FAM228A: variants seen among roughly 807,000 people sequenced by gnomAD.
FAM228A encodes the protein protein FAM228A.
In FAM228A, 13 loss-of-function variants were observed where a neutral mutation model predicts 18.6. The ratio of observed to expected loss-of-function variants is 0.70; its 90% CI spans 0.45 to 1.11. The LOEUF (loss-of-function observed/expected upper bound fraction) is 1.11, where lower values mean the gene tolerates loss of function less well. Ranked by LOEUF, FAM228A falls within the 50% of genes least tolerant of loss-of-function variation. FAM228A has a pLI of 0.00. For synonymous variants in FAM228A, 77 were observed against 86.6 expected (o/e 0.89, Z 0.61); for missense variants, 240 against 242.2 (o/e 0.99, Z 0.06).
At chr2:24,189,392 G>C (rs1471434006) in intron 5 of FAM228A, among the ~76,000 whole-genome samples, 3 of 152,202 alleles carry the variant, frequency 2.0e-5, no homozygotes, top group Non-Finnish European at 2.9e-5. Flanking sequence ...TTAACTCCCT[G>C]ACCTGCCAGG....
At chr2:24,186,396 C>T (rs763154408) in intron 5 of FAM228A, among the ~76,000 whole-genome samples, 2 of 152,126 alleles carry the variant, frequency 1.3e-5, no homozygotes, top group Non-Finnish European at 2.9e-5. Context: ...CAGTTAAGAT[C>T]TCTGGCACAA....
At position 24,183,538 on chromosome 2, in the gene FAM228A, C is replaced by T; in HGVS notation, c.294C>T (p.Ala98=). The T allele has an allele frequency of 1.2e-6, 2 of 1,613,836 alleles. No homozygotes were observed. Among genetic ancestry groups the T allele is most frequent in the Non-Finnish European group, 1.7e-6 (2 of 1,179,850 alleles). ...SIKELEEIEK[A]RLHASSPYFT... is the part of the protein sequence containing the mutation. ...AAGAACTTGAAGAAATAGAGAAGGC[C>T]AGGCTGCATGCCAGCTCGCCCTACT... The change falls in exon 5 of 6, where the codon GCC becomes GCT. Residue 98 remains alanine, a synonymous_variant. Coordinates refer to ENST00000295150, the MANE Select transcript of FAM228A (RefSeq NM_001040710.3).
At chr2:24,189,707 G>A (rs377698217) in intron 5 of FAM228A, among the ~76,000 whole-genome samples, 7 of 152,174 alleles carry the variant, frequency 4.6e-5, no homozygotes, top group East Asian at 1.9e-4. Context: ...AAATTCCTCC[G>A]GGAGGACACA....
chr2:24,175,241 G>A (rs944449711), intron 1 of FAM228A, 67 bp downstream of exon 1: 1 of 501,328 alleles, frequency 2.0e-6, no homozygotes, highest in East Asian at 3.7e-5. Context: ...GCAGGGCCAG[G>A]GGGGCGCGCC....
At chr2:24,186,217 C>G (rs1351052352) in intron 5 of FAM228A, among the ~76,000 whole-genome samples, 2 of 152,102 alleles carry the variant, frequency 1.3e-5, no homozygotes, top group African/African-American at 4.8e-5. Flanking sequence ...CCAGGCTGGT[C>G]TCGAACTCCT....
intron 3 of FAM228A, among the ~76,000 whole-genome samples, 195 bp downstream of exon 3, chr2:24,178,065 C>T (rs1667732820): frequency 6.6e-6 from 1 of 152,156 alleles, no homozygotes; most frequent in Non-Finnish European, 1.5e-5. Flanking sequence ...ACTAAAAGGT[C>T]CCTGATCCCA....
At chr2:24,188,483 C>T (rs1193993187) in intron 5 of FAM228A, 10 of 985,248 alleles carry the variant, frequency 1.0e-5, no homozygotes, top group African/African-American at 1.7e-5. Context: ...TTCTGTCCTC[C>T]ATTGAGAAAC....
intron 1 of FAM228A, 106 bp from the exon 2 acceptor site, chr2:24,175,361 C>A: frequency 1.2e-6 from 1 of 826,384 alleles, no homozygotes. Flanking sequence ...CTCGGCTCAG[C>A]TTTTAGAAAG....
chr2:24,187,220 C>T (rs927653983), intron 5 of FAM228A, among the ~76,000 whole-genome samples: 8 of 152,204 alleles, frequency 5.3e-5, no homozygotes, highest in African/African-American at 1.9e-4. Context: ...CATAAATGTG[C>T]ATCTGCTCAT....
intron 2 of FAM228A, 146 bp downstream of exon 2, chr2:24,175,719 GATTTGGCCGAGA>G (rs2151039006): frequency 1.3e-6 from 1 of 762,908 alleles, no homozygotes; most frequent in Non-Finnish European, 2.1e-6. Context: ...TTCGGGCTCA[GATTTGGCCGAGA>G]GTGTGGCCAA....
Position 24,177,819 on chromosome 2 carries a change from CATTG to C in FAM228A, c.114_117del (p.Ile38MetfsTer15). On this transcript the variant is annotated frameshift_variant, in exon 3 of 6. Coordinates refer to ENST00000295150, the MANE Select transcript of FAM228A (RefSeq NM_001040710.3). LOFTEE classifies it high-confidence loss of function. ...AATTTTAGGTATTAGCTAGAGAAGA[CATTG>C]ATGAAGCAGTATGTGCAATATTATT... is the stretch of plus-strand genomic sequence containing the variant. The C allele has an allele frequency of 6.3e-7, 1 of 1,592,320 alleles. No homozygotes were observed. The highest frequency in any genetic ancestry group is 8.6e-7 in the Non-Finnish European group (1 of 1,162,612).
At chr2:24,176,424 C>T (rs1667694793) in intron 2 of FAM228A, among the ~76,000 whole-genome samples, 1 of 152,184 alleles carries the variant, frequency 6.6e-6, no homozygotes, top group African/African-American at 2.4e-5. Flanking sequence ...AATCATAGCT[C>T]TCTGTAACCT....
intron 2 of FAM228A, chr2:24,175,988 G>A (rs944721510): frequency 9.9e-6 from 10 of 1,012,838 alleles, no homozygotes; most frequent in Non-Finnish European, 1.2e-5. Flanking sequence ...CCTAGTGGCG[G>A]TCGGAGCAGT....
intron 2 of FAM228A, 170 bp downstream of exon 2, chr2:24,175,743 A>T: frequency 1.4e-6 from 1 of 728,290 alleles, no homozygotes; most frequent in Non-Finnish European, 2.1e-6. Flanking sequence ...TGTGGCCAAG[A>T]GTGTTTCCAG....
At chr2:24,181,093 T>G (rs148836487) in intron 3 of FAM228A, among the ~76,000 whole-genome samples, 15 of 152,310 alleles carry the variant, frequency 9.8e-5, no homozygotes, top group African/African-American at 2.4e-4. Context: ...ACCTGCCTCA[T>G]GGAGCAGAAA....
At chr2:24,176,136 C>G (rs1667685944) in intron 2 of FAM228A, 1 of 982,828 alleles carries the variant, frequency 1.0e-6, no homozygotes, top group Non-Finnish European at 1.2e-6. Context: ...TGTTTAATTT[C>G]TTTAAACAAA....
chr2:24,181,790 C>T (rs1667821516), intron 3 of FAM228A, among the ~76,000 whole-genome samples: 1 of 152,004 alleles, frequency 6.6e-6, no homozygotes, highest in Non-Finnish European at 1.5e-5. Flanking sequence ...AAAACCTAGT[C>T]ATTTTAGAAG....
rs1410944384 is a variant in FAM228A, at chr2:24,183,529, A to G, written c.285A>G (p.Ile95Met). ...KRHSIKELEE[I>M]EKARLHASSP... ...ATTCCATAAAAGAACTTGAAGAAAT[A>G]GAGAAGGCCAGGCTGCATGCCAGCT... is the stretch of plus-strand genomic sequence containing the variant. The change falls in exon 5 of 6, where the codon ATA (isoleucine) becomes ATG (methionine). Residue 95 changes from isoleucine (I) to methionine (M), a missense_variant. Ile to Met is a conservative substitution (Grantham distance 10, BLOSUM62 1). Transcript: ENST00000295150. The G allele has an allele frequency of 1.2e-6, 2 of 1,612,602 alleles. No homozygotes were observed. Among genetic ancestry groups the G allele is most frequent in the Non-Finnish European group, 8.5e-7 (1 of 1,179,534 alleles).
At position 24,175,837 on chromosome 2, in the gene FAM228A, A is replaced by T. The variant is rs1192269615; in HGVS notation, c.93+264A>T. The T allele has an allele frequency of 8.7e-6, 10 of 1,148,634 alleles. No homozygotes were observed. The African/African-American group carries it at 9.4e-5, about 11-fold the overall frequency. 71.2% of individuals were successfully genotyped at this position (1,148,634 alleles called of 1,614,324 possible). On this transcript the variant is annotated intron_variant, in intron 2 of 5. Coordinates refer to ENST00000295150, the MANE Select transcript of FAM228A (RefSeq NM_001040710.3). Reference sequence around the variant, plus strand: ...CCACCCCAGCTCCCCGGCAGAAGCCAGGTCTGGGCTTGCCAGTCAATTCTG... The same window carrying T: ...CCACCCCAGCTCCCCGGCAGAAGCCTGGTCTGGGCTTGCCAGTCAATTCTG...
Sources: gnomAD v4.1 joint callset for allele counts (sites outside exome capture counted in the v4.1 genomes callset) on GRCh38, gnomAD v4.1.1 for gene constraint, MANE v1.5 for transcripts, NCBI Gene and HGNC (gene_info 2026-07-23, HGNC 2026-07-21) for gene names.